The following DNAJC6 variants were observed in gnomAD, a reference collection of about 807,000 sequenced individuals.
DNAJC6 encodes auxilin.
A neutral mutation model predicts 110.0 loss-of-function variants in DNAJC6; 34 were observed. The observed-to-expected ratio is 0.31, with a 90% CI of 0.24 to 0.41. The LOEUF is 0.41. Among genes scored for constraint, DNAJC6 ranks in the 10% least tolerant of loss-of-function variants. The probability of loss-of-function intolerance (pLI) is 1.00; values close to 1 mark genes in which losing one functional copy is unlikely to be tolerated. For synonymous variants in DNAJC6, 406 were observed against 437.2 expected, an observed-to-expected ratio of 0.93 and a Z score of 0.89; for missense variants, 1,031 against 1,207.8, an observed-to-expected ratio of 0.85 and a Z score of 2.17.
chr1:65,406,692 G>A (rs762936504), intron 16 of DNAJC6, among the ~76,000 whole-genome samples: 10 of 152,156 alleles, frequency 6.6e-5, no homozygotes, highest in Non-Finnish European at 1.2e-4. Context: ...TACCTATGAT[G>A]GTGCCAACAC....
chr1:65,302,135 A>G (rs1323883811), intron 1 of DNAJC6, among the ~76,000 whole-genome samples: 1 of 140,726 alleles, frequency 7.1e-6, no homozygotes, highest in East Asian at 2.0e-4. Context: ...AAAAATATAT[A>G]TAATACGTAT....
chr1:65,286,507 A>G (rs961019098), intron 1 of DNAJC6, among the ~76,000 whole-genome samples: 7 of 152,094 alleles, frequency 4.6e-5, no homozygotes, highest in African/African-American at 1.7e-4. Flanking sequence ...TCAGCCTCCT[A>G]AAGTGTTGGA....
At chr1:65,299,975 C>T (rs1013199055) in intron 1 of DNAJC6, among the ~76,000 whole-genome samples, 15 of 149,840 alleles carry the variant, frequency 1.0e-4, no homozygotes, top group Admixed American at 6.7e-5. Flanking sequence ...TTGCTTGAAC[C>T]CGGGAGGTGA....
At chr1:65,314,676 CG>C (rs1210781396) in intron 1 of DNAJC6, among the ~76,000 whole-genome samples, 1 of 152,064 alleles carries the variant, frequency 6.6e-6, no homozygotes, top group East Asian at 1.9e-4. Context: ...TTAGAAAAGA[CG>C]GAGTTTCGCC....
chr1:65,332,755 G>A (rs190425738), intron 1 of DNAJC6, among the ~76,000 whole-genome samples: 225 of 152,246 alleles, frequency 1.5e-3, no homozygotes, highest in Non-Finnish European at 2.2e-3. Context: ...GAATTCTCTT[G>A]ACATCTCCCA....
At chr1:65,319,371 C>T (rs17127505) in intron 1 of DNAJC6, among the ~76,000 whole-genome samples, 10,244 of 152,086 alleles carry the variant, frequency 0.067, 595 homozygotes, top group East Asian at 0.23. Context: ...AGAAGCAGGC[C>T]CTGTGTTTGC....
At chr1:65,298,112 T>C (rs1644944487) in intron 1 of DNAJC6, among the ~76,000 whole-genome samples, 1 of 152,126 alleles carries the variant, frequency 6.6e-6, no homozygotes, top group Non-Finnish European at 1.5e-5. Context: ...TCCCATTCAG[T>C]TGGCTCTGTG....
At chr1:65,303,576 T>C (rs79320312) in intron 1 of DNAJC6, among the ~76,000 whole-genome samples, 1 of 143,540 alleles carries the variant, frequency 7.0e-6, no homozygotes, top group Non-Finnish European at 1.5e-5. Context: ...TTTTTTTTTT[T>C]GAGACGGAGT....
At chr1:65,355,306 G>A (rs1019818764) in intron 1 of DNAJC6, among the ~76,000 whole-genome samples, 2 of 151,412 alleles carry the variant, frequency 1.3e-5, no homozygotes, top group Non-Finnish European at 2.9e-5. Flanking sequence ...TATCCTAAGG[G>A]CCCTGGCACT....
chr1:65,365,810 G>A (rs1034264101), intron 2 of DNAJC6, 75 bp from the exon 3 acceptor site: 24 of 1,521,412 alleles, frequency 1.6e-5, no homozygotes, highest in African/African-American at 6.9e-5. Context: ...GTTCATATGC[G>A]CAAGTGATTG....
chr1:65,275,310 G>C lies in DNAJC6; in HGVS notation c.-131+10378G>C, dbSNP rs1653633565. 3.9e-5 allele frequency among the ~76,000 whole-genome samples: 6 copies of C among 152,242 alleles called. No individual in the cohort carries two copies. In the South Asian group the frequency reaches 1.2e-3, roughly 32 times the overall value. ...AGTTTTTATGATCTGGAAATGAGTT[G>C]ATTTTGTCTTTGCTTTTGAAGGACA... On this transcript the variant is annotated intron_variant, in intron 1 of 19. Transcript: ENST00000263441.
chr1:65,265,640 G>A (rs1030075860), intron 1 of DNAJC6, among the ~76,000 whole-genome samples: 3 of 152,228 alleles, frequency 2.0e-5, no homozygotes, highest in African/African-American at 4.8e-5. Flanking sequence ...TCAACAACAA[G>A]CATTCTGGAG....
rs34848110 is a variant in DNAJC6, at chr1:65,303,564, C to CT, written c.-131+38644dup. Reference sequence around the variant, plus strand: ...CATGCGCCTCATTTGATTCTCTCTTCTTTTTTTTTTTTGAGACGGAGTCTC... The same window carrying CT: ...CATGCGCCTCATTTGATTCTCTCTTCTTTTTTTTTTTTTGAGACGGAGTCTC... On this transcript the variant is annotated intron_variant, in intron 1 of 19. Coordinates refer to the DNAJC6 transcript ENST00000263441. Among the ~76,000 whole-genome samples, 259 of 148,628 alleles carry CT rather than the reference C, an allele frequency of 1.7e-3. 2 individuals are homozygous for CT. The East Asian group carries it at 0.039, about 22-fold the overall frequency.
chr1:65,374,010 T>C (rs922101717), intron 4 of DNAJC6, among the ~76,000 whole-genome samples: 1 of 152,244 alleles, frequency 6.6e-6, no homozygotes, highest in Non-Finnish European at 1.5e-5. Flanking sequence ...AGTTACCCAC[T>C]TTTCCCAGCA....
At position 65,366,088 on chromosome 1, in the gene DNAJC6, G is replaced by A. The variant is rs1444755123; in HGVS notation, c.435G>A (p.Arg145=). Residue 145 remains arginine, a synonymous_variant, in exon 4 of 19, where the codon AGG becomes AGA. Coordinates refer to ENST00000371069, the MANE Select transcript of DNAJC6 (RefSeq NM_001256864.2). ...FPLDNVDIGF[R]NQVDDIRSFL... is the part of the protein sequence containing the mutation. ...TGGACAATGTTGACATAGGATTCAG[G>A]AATCAGGTTGATGACATTCGAAGCT... The A allele has an allele frequency of 1.2e-6, 2 of 1,613,870 alleles. No homozygotes were observed. Among genetic ancestry groups the A allele is most frequent in the Non-Finnish European group, 1.7e-6 (2 of 1,179,814 alleles).
At chr1:65,311,064 T>G (rs190289095) in intron 1 of DNAJC6, among the ~76,000 whole-genome samples, 5 of 152,282 alleles carry the variant, frequency 3.3e-5, no homozygotes, top group Admixed American at 3.3e-4. Context: ...GGATGAAATA[T>G]TGTCCACAGA....
At chr1:65,319,530 C>G (rs1234883161) in intron 1 of DNAJC6, among the ~76,000 whole-genome samples, 2 of 152,084 alleles carry the variant, frequency 1.3e-5, no homozygotes, top group African/African-American at 4.8e-5. Flanking sequence ...TGGTTCCTTG[C>G]TTGTTGATGG....
chr1:65,354,378 C>T (rs1353463161), intron 1 of DNAJC6, among the ~76,000 whole-genome samples: 3 of 152,292 alleles, frequency 2.0e-5, no homozygotes, highest in Non-Finnish European at 4.4e-5. Context: ...GGGACTCCCA[C>T]CTGCCACTGT....
At position 65,406,068 on chromosome 1, in the gene DNAJC6, A is replaced by G; in HGVS notation, c.2426A>G (p.Tyr809Cys). ...TCCTCTCCCCAGAACCGACCCAACT[A>G]CAACGTGAGCTTCTCAGCCATGCCT... ...PHSSPQNRPNYNVSFSAMPGG... is the reference protein window; with the variant it reads ...PHSSPQNRPNCNVSFSAMPGG... Residue 809 changes from tyrosine (Y) to cysteine (C), a missense_variant, in exon 16 of 19, where the codon TAC becomes TGC. Transcript: ENST00000371069. 2 of 1,614,192 alleles carry G rather than the reference A, an allele frequency of 1.2e-6. No individual in the cohort carries two copies. The highest frequency in any genetic ancestry group is 1.7e-6 in the Non-Finnish European group (2 of 1,180,032).
Sources: gnomAD v4.1 joint callset for allele counts (sites outside exome capture counted in the v4.1 genomes callset) on GRCh38, gnomAD v4.1.1 for gene constraint, MANE v1.5 for transcripts, NCBI Gene and HGNC (gene_info 2026-07-23, HGNC 2026-07-21) for gene names.